LUC7L2: variants seen among roughly 807,000 people sequenced by gnomAD.
LUC7L2 encodes LUC7 like 2, pre-mRNA splicing factor, also known as putative RNA-binding protein Luc7-like 2.
A neutral mutation model predicts 52.8 loss-of-function variants in LUC7L2; 25 were observed. The observed-to-expected ratio is 0.47, with a 90% CI of 0.34 to 0.66. The LOEUF (loss-of-function observed/expected upper bound fraction) is 0.66. Ranked by LOEUF, LUC7L2 falls within the 30% of genes least tolerant of loss-of-function variation. The pLI is 0.01. For missense variants in LUC7L2, 328 were observed against 497.8 expected (o/e 0.66, Z 3.25); for synonymous variants, 144 against 160.9 (o/e 0.89, Z 0.80).
chr7:139,343,974 C>A (rs1799135471), intron 1 of LUC7L2, among the ~76,000 whole-genome samples: 1 of 149,752 alleles, frequency 6.7e-6, no homozygotes, highest in Non-Finnish European at 1.5e-5. Flanking sequence ...ATTATGTAGG[C>A]AGTGGTGCCC....
At chr7:139,407,770 A>G (rs1795186852) in intron 6 of LUC7L2, among the ~76,000 whole-genome samples, 1 of 152,288 alleles carries the variant, frequency 6.6e-6, no homozygotes, top group African/African-American at 2.4e-5. Flanking sequence ...CAGAATCTCT[A>G]GTTTTATTTT....
Position 139,362,954 on chromosome 7 carries a change from AT to A in LUC7L2, c.61+2636del, listed in dbSNP as rs1263464884. Among the ~76,000 whole-genome samples, 5 of 152,306 alleles carry A rather than the reference AT, an allele frequency of 3.3e-5. No homozygotes were observed. In the East Asian group the frequency reaches 5.8e-4, roughly 18 times the overall value. ...TTCACTGGAATCCTTAGGAGTAGGA[AT>A]TTTGTTAGCAGGGAAATGGAGAGGT... is the stretch of plus-strand genomic sequence containing the variant. On this transcript the variant is annotated intron_variant, in intron 1 of 9. Coordinates refer to ENST00000354926, the MANE Select transcript of LUC7L2 (RefSeq NM_016019.5).
chr7:139,418,288 G>A (rs1349670409), intron 9 of LUC7L2, among the ~76,000 whole-genome samples: 1 of 152,184 alleles, frequency 6.6e-6, no homozygotes, highest in East Asian at 1.9e-4. Flanking sequence ...TGCAGGCATA[G>A]GGTAAGGTAT....
intron 2 of LUC7L2, among the ~76,000 whole-genome samples, chr7:139,387,031 G>T (rs1027413404): frequency 6.6e-6 from 1 of 151,656 alleles, no homozygotes; most frequent in African/African-American, 2.4e-5. Flanking sequence ...GTAGAGACAG[G>T]GTTTCACCAT....
intron 1 of LUC7L2, chr7:139,345,139 T>G: frequency 5.2e-6 from 1 of 193,962 alleles, no homozygotes; most frequent in Non-Finnish European, 1.1e-5. Flanking sequence ...TTAGGTGACA[T>G]TAATGATGAG....
intron 1 of LUC7L2, among the ~76,000 whole-genome samples, chr7:139,370,440 A>G (rs1800385300): frequency 1.3e-5 from 2 of 152,126 alleles, no homozygotes; most frequent in Admixed American, 6.6e-5. Flanking sequence ...CTTTGATTCC[A>G]CATGAAGACA....
At chr7:139,383,735 C>CT in intron 2 of LUC7L2, among the ~76,000 whole-genome samples, 2 of 121,124 alleles carry the variant, frequency 1.7e-5, no homozygotes, top group Non-Finnish European at 3.2e-5. Context: ...TTTTTTTTTT[C>CT]TTTTTTCTTT....
intron 1 of LUC7L2, among the ~76,000 whole-genome samples, chr7:139,369,241 C>T (rs928027963): frequency 2.0e-5 from 3 of 152,192 alleles, no homozygotes; most frequent in African/African-American, 4.8e-5. Context: ...GTCAGAATTA[C>T]AGCTCTGCAA....
chr7:139,414,622 C>T (rs1346891145), intron 8 of LUC7L2, among the ~76,000 whole-genome samples: 1 of 152,216 alleles, frequency 6.6e-6, no homozygotes, highest in Non-Finnish European at 1.5e-5. Flanking sequence ...GTCATCCTGC[C>T]TGTAAGACCC....
At chr7:139,359,584 C>G (rs1799745052), upstream of LUC7L2, 1 of 382,758 alleles carries the variant, frequency 2.6e-6, no homozygotes, top group South Asian at 1.4e-4. Context: ...CCCAGGCTAA[C>G]CTCTAGCGCA....
chr7:139,361,411 C>T (rs1799875344), intron 1 of LUC7L2, among the ~76,000 whole-genome samples: 1 of 152,198 alleles, frequency 6.6e-6, no homozygotes, highest in Admixed American at 6.5e-5. Context: ...TTTTAAGTTA[C>T]TCTTTTAATT....
At chr7:139,394,488 G>T (rs1794579365) in intron 2 of LUC7L2, among the ~76,000 whole-genome samples, 1 of 152,142 alleles carries the variant, frequency 6.6e-6, no homozygotes, top group South Asian at 2.1e-4. Context: ...CCTTTGGTTG[G>T]TTGTGTGATG....
intron 2 of LUC7L2, among the ~76,000 whole-genome samples, chr7:139,379,532 T>C (rs1282216580): frequency 2.7e-5 from 4 of 148,694 alleles, no homozygotes; most frequent in Admixed American, 2.7e-4. Context: ...CCTTTCATTA[T>C]TCTAGTATAA....
In LUC7L2 at chr7:139,361,403, T is replaced by C. The variant is rs536014142; in HGVS notation, c.61+1081T>C. Among the ~76,000 whole-genome samples the C allele has an allele frequency of 4.6e-5, 7 of 152,262 alleles. No homozygotes were observed. In the South Asian group the frequency reaches 1.2e-3, roughly 27 times the overall value. ...AAAAGGCACGTCTTAAATTTAGTTT[T>C]TAAGTTACTCTTTTAATTTACATGA... On this transcript the variant is annotated intron_variant, in intron 1 of 9. Transcript: ENST00000354926.
Position 139,362,314 on chromosome 7 carries a change from C to CT in LUC7L2, c.61+2000dup, listed in dbSNP as rs200939804. 2.0e-5 allele frequency among the ~76,000 whole-genome samples: 3 copies of CT among 151,750 alleles called. No homozygotes were observed. In the East Asian group the frequency reaches 5.8e-4, roughly 29 times the overall value. On this transcript the variant is annotated intron_variant, in intron 1 of 9. Coordinates refer to ENST00000354926, the MANE Select transcript of LUC7L2 (RefSeq NM_016019.5). Reference sequence around the variant, plus strand: ...ATATATGCAAAATAATCAGAACATTCTTTTTTTTCTTACCATTTAATGAGT... The same window carrying CT: ...ATATATGCAAAATAATCAGAACATTCTTTTTTTTTCTTACCATTTAATGAGT...
chr7:139,376,986 G>A (rs1186729917), intron 2 of LUC7L2, among the ~76,000 whole-genome samples: 1 of 152,132 alleles, frequency 6.6e-6, no homozygotes, highest in African/African-American at 2.4e-5. Flanking sequence ...TTAAGGACAT[G>A]CCCCAAAGAG....
At chr7:139,412,688 C>T (rs1339587190) in intron 8 of LUC7L2, 108 bp downstream of exon 8, 1 of 1,280,802 alleles carries the variant, frequency 7.8e-7, no homozygotes, top group Non-Finnish European at 1.1e-6. Context: ...TTTGGCTGGG[C>T]ACGGTGATGC....
chr7:139,350,755 A>G (rs1257776721), intron 1 of LUC7L2, among the ~76,000 whole-genome samples: 1 of 150,884 alleles, frequency 6.6e-6, no homozygotes, highest in Non-Finnish European at 1.5e-5. Context: ...GGCTCACTGC[A>G]ACCTCTGCCT....
chr7:139,420,629 T>TG (rs1183831553), intron 9 of LUC7L2, among the ~76,000 whole-genome samples: 6 of 152,222 alleles, frequency 3.9e-5, no homozygotes, highest in Non-Finnish European at 5.9e-5. Context: ...CCACTATGTG[T>TG]GGGACATAGT....
Sources: gnomAD v4.1 joint callset for allele counts (sites outside exome capture counted in the v4.1 genomes callset) on GRCh38, gnomAD v4.1.1 for gene constraint, MANE v1.5 for transcripts, NCBI Gene and HGNC (gene_info 2026-07-23, HGNC 2026-07-21) for gene names.